CHIC2: variants seen among roughly 807,000 people sequenced by gnomAD.
The protein encoded by CHIC2 is cysteine rich hydrophobic domain 2.
In CHIC2, 14 loss-of-function variants were observed where a neutral mutation model predicts 25.9. That is an observed-to-expected ratio of 0.54 (90% CI 0.36 to 0.85). The LOEUF is 0.85. Ranked by LOEUF, CHIC2 falls within the 40% of genes least tolerant of loss-of-function variation. CHIC2 has a pLI of 0.01. For missense variants in CHIC2, 146 were observed against 202.0 expected, an observed-to-expected ratio of 0.72 and a Z score of 1.68; for synonymous variants, 70 against 72.0, an observed-to-expected ratio of 0.97 and a Z score of 0.14.
At chr4:54,065,142 C>T (rs908095081), upstream of CHIC2, among the ~76,000 whole-genome samples, 4 of 152,182 alleles carry the variant, frequency 2.6e-5, no homozygotes, top group African/African-American at 9.6e-5. Context: ...AACATTTGTG[C>T]TCACCACAGG....
At chr4:54,056,203 T>C (rs957985900) in intron 1 of CHIC2, among the ~76,000 whole-genome samples, 2 of 152,298 alleles carry the variant, frequency 1.3e-5, no homozygotes, top group East Asian at 1.9e-4. Context: ...GTGAAAGCTA[T>C]ATAAGTGTAT....
intron 3 of CHIC2, among the ~76,000 whole-genome samples, chr4:54,016,271 A>G (rs916574045): frequency 6.6e-6 from 1 of 151,962 alleles, no homozygotes; most frequent in Non-Finnish European, 1.5e-5. Context: ...TCATTTCATC[A>G]GAAGTTTAAA....
intron 1 of CHIC2, among the ~76,000 whole-genome samples, chr4:54,055,744 T>TA (rs1170243589): frequency 6.6e-6 from 1 of 152,194 alleles, no homozygotes; most frequent in Non-Finnish European, 1.5e-5. Context: ...GTTTTGGAGA[T>TA]AAAGTCATAA....
chr4:54,017,020 TA>T (rs911748494), intron 3 of CHIC2, among the ~76,000 whole-genome samples: 1 of 151,814 alleles, frequency 6.6e-6, no homozygotes, highest in Non-Finnish European at 1.5e-5. Context: ...TGGCAGATAC[TA>T]AAAAAAATGA....
the CHIC2 span, among the ~76,000 whole-genome samples, chr4:54,073,632 C>T: frequency 1.3e-5 from 2 of 152,110 alleles, no homozygotes; most frequent in Non-Finnish European, 2.9e-5. Flanking sequence ...ACTGCAACCC[C>T]AGACCACCCA....
chr4:54,074,756 C>T, the CHIC2 span, among the ~76,000 whole-genome samples: 148 of 152,044 alleles, frequency 9.7e-4, no homozygotes, highest in African/African-American at 3.5e-3. Context: ...ACTTTATTGG[C>T]TAGTATATCT....
At chr4:54,014,166 A>G (rs1577961097) in intron 3 of CHIC2, 47 bp from the exon 4 acceptor site, 1 of 1,580,886 alleles carries the variant, frequency 6.3e-7, no homozygotes, top group Non-Finnish European at 8.7e-7. Flanking sequence ...GGTTTTAGAA[A>G]ACTTTGTTTT....
In CHIC2 at chr4:54,053,412, T is replaced by C. The variant is rs371409453; in HGVS notation, c.120-4107A>G. Among the ~76,000 whole-genome samples, 37 of 152,038 alleles carry C rather than the reference T, an allele frequency of 2.4e-4. No individual in the cohort carries two copies. In the South Asian group the frequency reaches 5.8e-3, roughly 24 times the overall value. ...TCACTACTAAAAATGCAAAAATAGC[T>C]GGATGTGGTGGTGGGCACCTGTAAT... On this transcript the variant is annotated intron_variant, in intron 1 of 5. Transcript: ENST00000263921.
Position 54,009,952 on chromosome 4 carries a change from T to C in CHIC2, c.*143A>G. On this transcript the variant is annotated 3_prime_UTR_variant, in exon 6 of 6. Transcript: ENST00000263921. ...AATGCACACTTAGAACATGCGGTTA[T>C]TTAAAAAAAAAACAAAAACAAAAAC... 2.0e-6 allele frequency: 1 copy of C among 508,154 alleles called. No homozygotes were observed. Among genetic ancestry groups the C allele is most frequent in the Non-Finnish European group, 3.5e-6 (1 of 286,526 alleles). The allele number at this position is 508,154 out of a possible 1,614,324, so 31.5% of individuals were successfully genotyped here.
At position 54,064,172 on chromosome 4, in the gene CHIC2, C is replaced by T. The variant is rs374692437; in HGVS notation, c.119+10G>A. 505 of 1,596,970 alleles carry T rather than the reference C, an allele frequency of 3.2e-4. 1 individual carries two copies. The African/African-American group carries it at 5.8e-3, about 18-fold the overall frequency. On this transcript the variant is annotated intron_variant, in intron 1 of 5. Coordinates refer to ENST00000263921, the MANE Select transcript of CHIC2 (RefSeq NM_012110.4). The surrounding 1 kb of genome is among the most constrained non-coding windows in gnomAD (Gnocchi z 4.2). ...CGCACCTCCCGCCCTCGCCCTCCTC[C>T]GGGCCTTACACGGTGACGTGACCGG...
intron 3 of CHIC2, among the ~76,000 whole-genome samples, chr4:54,039,812 AAAC>A (rs1436626865): frequency 2.0e-5 from 3 of 152,354 alleles, no homozygotes; most frequent in Admixed American, 6.5e-5. Flanking sequence ...ATAAATGGAT[AAAC>A]AAACTGTGAT....
chr4:54,043,759 A>C (rs989586192), intron 3 of CHIC2, among the ~76,000 whole-genome samples: 3 of 152,202 alleles, frequency 2.0e-5, no homozygotes, highest in Non-Finnish European at 2.9e-5. Flanking sequence ...CGAGCAAAAT[A>C]ACCAGCTAAC....
At chr4:54,026,419 C>T (rs1577967980) in intron 3 of CHIC2, among the ~76,000 whole-genome samples, 1 of 151,842 alleles carries the variant, frequency 6.6e-6, no homozygotes, top group Non-Finnish European at 1.5e-5. Context: ...ACTTGGGAGA[C>T]TGAGGTAGGA....
the CHIC2 span, among the ~76,000 whole-genome samples, chr4:54,080,907 G>C: frequency 7.2e-6 from 1 of 139,006 alleles, no homozygotes. Flanking sequence ...GTGCTAATTA[G>C]CTTGATTGTG....
At chr4:54,035,065 A>AT (rs1716341658) in intron 3 of CHIC2, among the ~76,000 whole-genome samples, 1 of 152,184 alleles carries the variant, frequency 6.6e-6, no homozygotes, top group Non-Finnish European at 1.5e-5. Context: ...AACCAACCTT[A>AT]CTTACCTTCC....
intron 3 of CHIC2, among the ~76,000 whole-genome samples, chr4:54,045,930 C>T (rs1489216003): frequency 6.6e-6 from 1 of 152,154 alleles, no homozygotes; most frequent in Non-Finnish European, 1.5e-5. Flanking sequence ...TCTCCTTAAG[C>T]TGATAAGCAA....
At chr4:54,013,784 C>T in intron 5 of CHIC2, 53 bp downstream of exon 5, 1 of 1,549,048 alleles carries the variant, frequency 6.5e-7, no homozygotes, top group East Asian at 2.2e-5. Context: ...AGATCAGAAG[C>T]AAAATAAATG....
At chr4:54,023,746 G>C (rs1052418068) in intron 3 of CHIC2, among the ~76,000 whole-genome samples, 1 of 152,064 alleles carries the variant, frequency 6.6e-6, no homozygotes, top group Non-Finnish European at 1.5e-5. Context: ...TCAGCAAGGC[G>C]AACTCATGCC....
At chr4:54,045,913 C>T (rs2110082457) in intron 3 of CHIC2, among the ~76,000 whole-genome samples, 2 of 152,256 alleles carry the variant, frequency 1.3e-5, no homozygotes, top group South Asian at 4.1e-4. Flanking sequence ...ATCGTCTCAG[C>T]CCAAAATCTC....
Sources: allele counts gnomAD v4.1 joint callset (sites outside exome capture counted in the v4.1 genomes callset), GRCh38; gene constraint gnomAD v4.1.1; non-coding constraint Gnocchi (gnomAD v3.1); transcripts MANE v1.5; gene names NCBI Gene and HGNC (gene_info 2026-07-23, HGNC 2026-07-21).